The following LRRTM3 variants were observed in gnomAD, a reference collection of about 807,000 sequenced individuals.
The protein encoded by LRRTM3 is leucine-rich repeat transmembrane neuronal protein 3.
Under a neutral mutation model 44.7 loss-of-function variants are expected in LRRTM3, and 24 were observed. The ratio of observed to expected loss-of-function variants is 0.54; its 90% CI spans 0.39 to 0.76. The LOEUF (loss-of-function observed/expected upper bound fraction) is 0.76, where lower values mean the gene tolerates loss of function less well. Among genes scored for constraint, LRRTM3 ranks in the 30% least tolerant of loss-of-function variants. The probability of loss-of-function intolerance (pLI) is 0.00; values close to 1 mark genes in which losing one functional copy is unlikely to be tolerated. For synonymous variants in LRRTM3, 277 were observed against 278.7 expected (o/e 0.99, Z 0.06); for missense variants, 587 against 702.2 (o/e 0.84, Z 1.85).
At chr10:66,957,236 G>A (rs181893219) in intron 2 of LRRTM3, among the ~76,000 whole-genome samples, 15 of 151,980 alleles carry the variant, frequency 9.9e-5, no homozygotes, top group Non-Finnish European at 1.3e-4. Flanking sequence ...TAAATCAAAA[G>A]AAGTGAGATG....
intron 2 of LRRTM3, among the ~76,000 whole-genome samples, chr10:67,038,279 G>A (rs1854189275): frequency 6.6e-6 from 1 of 152,046 alleles, no homozygotes; most frequent in Non-Finnish European, 1.5e-5. Flanking sequence ...AAAATGCATT[G>A]TAAAATTATT....
intron 2 of LRRTM3, among the ~76,000 whole-genome samples, chr10:66,966,559 C>G (rs1849423827): frequency 6.6e-6 from 1 of 151,568 alleles, no homozygotes; most frequent in Admixed American, 6.6e-5. Context: ...TTCAAAGAAG[C>G]TTTTTAACAT....
chr10:67,060,666 GTC>G lies in LRRTM3; in HGVS notation c.1537-36905_1537-36904del, dbSNP rs141445121. Among the ~76,000 whole-genome samples the G allele has an allele frequency of 1.6e-3, 247 of 150,164 alleles. 3 individuals carry two copies. Among genetic ancestry groups the G allele is most frequent in the Middle Eastern group, 6.8e-3 (2 of 292 alleles). ...TTCTCTTTCTTTACCATGGGTTCCTGTCTCTCTCTCTCTCTCTTCTTCTACCA... is the reference window on the plus strand; with the variant it reads ...TTCTCTTTCTTTACCATGGGTTCCTGTCTCTCTCTCTCTCTTCTTCTACCA... On this transcript the variant is annotated intron_variant, in intron 2 of 2. Coordinates refer to ENST00000361320, the MANE Select transcript of LRRTM3 (RefSeq NM_178011.5).
At chr10:67,081,483 G>A (rs1175377282) in intron 2 of LRRTM3, among the ~76,000 whole-genome samples, 1 of 152,100 alleles carries the variant, frequency 6.6e-6, no homozygotes, top group Non-Finnish European at 1.5e-5. Flanking sequence ...CCAATATTGT[G>A]GCTCAGAGAG....
intron 2 of LRRTM3, among the ~76,000 whole-genome samples, chr10:66,984,293 G>T (rs907999361): frequency 6.6e-6 from 1 of 152,168 alleles, no homozygotes; most frequent in African/African-American, 2.4e-5. Flanking sequence ...TGATAAACTG[G>T]CTAAAGGGAA....
chr10:67,095,159 G>A (rs1857906402), intron 2 of LRRTM3, among the ~76,000 whole-genome samples: 1 of 151,430 alleles, frequency 6.6e-6, no homozygotes, highest in African/African-American at 2.4e-5. Flanking sequence ...AATCTACTGT[G>A]ATGCTGTATT....
rs2291106 is a variant in LRRTM3 at position 67,100,802 on chromosome 10, A to G, written c.*3006A>G. 0.016 allele frequency among the ~76,000 whole-genome samples: 2,370 copies of G among 151,724 alleles called. 71 individuals carry two copies. Among genetic ancestry groups the G allele is most frequent in the East Asian group, 0.11 (588 of 5,134 alleles). On this transcript the variant is annotated 3_prime_UTR_variant, in exon 3 of 3. Transcript: ENST00000361320. ...ACCCTATGAAGACACATTAATCTCA[A>G]AGAAATTGAGCTCTTACCCCAAAAC...
chr10:66,926,689 C>T, intron 1 of LRRTM3, 102 bp downstream of exon 1: 5 of 1,361,668 alleles, frequency 3.7e-6, no homozygotes, highest in South Asian at 1.2e-5. Flanking sequence ...GATTACCTTG[C>T]TCTGCTCTAA....
intron 2 of LRRTM3, among the ~76,000 whole-genome samples, chr10:67,021,948 G>A (rs1853043339): frequency 6.6e-6 from 1 of 152,162 alleles, no homozygotes. Flanking sequence ...AGAATTAAAA[G>A]TAAACTAAAA....
chr10:67,074,412 A>G (rs528771628), intron 2 of LRRTM3, among the ~76,000 whole-genome samples: 60 of 126,366 alleles, frequency 4.7e-4, no homozygotes, highest in South Asian at 1.6e-3. Context: ...GTGCAGTGGC[A>G]CGATCTCGGC....
rs138229147 is a variant in LRRTM3, at chr10:66,989,042, G to A, written c.1536+60590G>A. ...TTTCTACCTCTCTTTTATCAGTCTC[G>A]TTACCTCTCATAGCAAGAAAAAGTG... On this transcript the variant is annotated intron_variant, in intron 2 of 2. Coordinates refer to ENST00000361320, the MANE Select transcript of LRRTM3 (RefSeq NM_178011.5). 3.5e-3 allele frequency among the ~76,000 whole-genome samples: 528 copies of A among 150,616 alleles called. 4 individuals are homozygous for A. Among genetic ancestry groups the A allele is most frequent in the African/African-American group, 0.012 (500 of 41,034 alleles).
chr10:66,963,567 C>T lies in LRRTM3; in HGVS notation c.1536+35115C>T, dbSNP rs113728978. ...GACTGTGATCAGATGAACTGATCAC[C>T]TGCAGTGGTAGTTTGGGTAGAGAGG... On this transcript the variant is annotated intron_variant, in intron 2 of 2. Transcript: ENST00000361320. Among the ~76,000 whole-genome samples, 1,452 of 152,158 alleles carry T rather than the reference C, an allele frequency of 9.5e-3. 14 individuals carry two copies. Among genetic ancestry groups the T allele is most frequent in the Middle Eastern group, 0.024 (7 of 294 alleles).
At chr10:66,954,566 T>C (rs1589484486) in intron 2 of LRRTM3, among the ~76,000 whole-genome samples, 1 of 152,142 alleles carries the variant, frequency 6.6e-6, no homozygotes, top group Non-Finnish European at 1.5e-5. Flanking sequence ...TGGATGAATA[T>C]GAATACATAA....
chr10:67,065,139 C>T (rs1856000455), intron 2 of LRRTM3, among the ~76,000 whole-genome samples: 1 of 152,078 alleles, frequency 6.6e-6, no homozygotes, highest in Admixed American at 6.5e-5. Flanking sequence ...ACCATGGTTC[C>T]CTCTGACACC....
chr10:67,057,046 T>A (rs1319427520), intron 2 of LRRTM3, among the ~76,000 whole-genome samples: 1 of 152,184 alleles, frequency 6.6e-6, no homozygotes, highest in Non-Finnish European at 1.5e-5. Flanking sequence ...CAATTCTGCC[T>A]CCTCTTGGAT....
At chr10:67,054,541 A>G (rs1731201281) in intron 2 of LRRTM3, 2 of 152,182 alleles carry the variant, frequency 1.3e-5, no homozygotes, top group South Asian at 2.1e-4. Context: ...ATGCTTGGCT[A>G]TTAATGCCTT....
intron 2 of LRRTM3, among the ~76,000 whole-genome samples, chr10:67,002,085 T>C (rs997354245): frequency 2.0e-5 from 3 of 152,180 alleles, no homozygotes; most frequent in Non-Finnish European, 4.4e-5. Context: ...CTCAGTTTCT[T>C]CACCTAAAAA....
intron 2 of LRRTM3, among the ~76,000 whole-genome samples, chr10:67,057,452 C>G (rs1052581987): frequency 1.3e-5 from 2 of 152,164 alleles, no homozygotes; most frequent in Non-Finnish European, 2.9e-5. Context: ...GCTACCTACC[C>G]TTCTACTCTC....
intron 2 of LRRTM3, among the ~76,000 whole-genome samples, 166 bp downstream of exon 2, chr10:66,928,618 C>T (rs1407823750): frequency 6.6e-6 from 1 of 152,006 alleles, no homozygotes; most frequent in Non-Finnish European, 1.5e-5. Flanking sequence ...ATTCATAATA[C>T]TGGTCATTTT....
Sources: gnomAD v4.1 joint callset for allele counts (sites outside exome capture counted in the v4.1 genomes callset) on GRCh38, gnomAD v4.1.1 for gene constraint, MANE v1.5 for transcripts, NCBI Gene and HGNC (gene_info 2026-07-23, HGNC 2026-07-21) for gene names.